Variants in SUCO observed in about 807,000 individuals in gnomAD.
SUCO encodes the protein SUN domain containing ossification factor.
Under a neutral mutation model 148.1 loss-of-function variants are expected in SUCO, and 57 were observed. The ratio of observed to expected loss-of-function variants is 0.38; its 90% confidence interval spans 0.31 to 0.48. SUCO has a LOEUF of 0.48. Ranked by LOEUF, SUCO falls within the 20% of genes least tolerant of loss-of-function variation. The pLI is 0.96. For missense variants in SUCO, 1,331 were observed against 1,468.2 expected, an observed-to-expected ratio of 0.91 and a Z score of 1.53; for synonymous variants, 470 against 502.7, an observed-to-expected ratio of 0.93 and a Z score of 0.87.
At chr1:172,597,099 A>G (rs1317397314) in intron 19 of SUCO, among the ~76,000 whole-genome samples, 5 of 152,202 alleles carry the variant, frequency 3.3e-5, no homozygotes, top group Non-Finnish European at 7.3e-5. Context: ...TGCACGGGAT[A>G]TAATCTCCTG....
Position 172,557,426 on chromosome 1 carries a change from G to A in SUCO, c.581+9G>A, listed in dbSNP as rs1653831658. 6.2e-7 allele frequency: 1 copy of A among 1,613,660 alleles called. No individual in the cohort carries two copies. The highest frequency in any genetic ancestry group is 8.5e-7 in the Non-Finnish European group (1 of 1,179,746). On this transcript the variant is annotated intron_variant, in intron 5 of 23. Coordinates refer to ENST00000263688, the MANE Select transcript of SUCO (RefSeq NM_014283.5). The stretch of plus-strand genomic sequence containing the variant: ...GTCAGTCCACCTGACAGGTGGGTAG[G>A]AGCAGTTGTTTGTCCTTCTTATGAT...
chr1:172,542,721 T>C, intron 1 of SUCO: 1 of 985,316 alleles, frequency 1.0e-6, no homozygotes, highest in Non-Finnish European at 1.2e-6. Context: ...GGGACCGCTG[T>C]CATAGAGGGA....
In SUCO at chr1:172,555,985, C is replaced by T. The variant is rs1332328956; in HGVS notation, c.405C>T (p.Ser135=). The change falls in exon 4 of 24, where the codon AGC becomes AGT. Residue 135 remains serine, a synonymous_variant. Transcript: ENST00000263688. ...GTGAAACTGTTGAAAATATTTCCAG[C>T]TCATCTACCTCAGAAATCACTCCAA... ...VDSETVENIS[S]SSTSEITPIS... is the part of the protein sequence containing the mutation. 7 of 1,613,002 alleles carry T rather than the reference C, an allele frequency of 4.3e-6. No homozygotes were observed. Among genetic ancestry groups the T allele is most frequent in the Non-Finnish European group, 5.9e-6 (7 of 1,179,574 alleles).
At chr1:172,590,080 T>C (rs1411468108) in intron 18 of SUCO, among the ~76,000 whole-genome samples, 154 bp downstream of exon 18, 1 of 152,178 alleles carries the variant, frequency 6.6e-6, no homozygotes, top group East Asian at 1.9e-4. Context: ...GCTACTTGAA[T>C]GCTGATCAGT....
rs1403428587 is a variant in SUCO at position 172,556,675 on chromosome 1, T to G, written c.444-605T>G. On this transcript the variant is annotated intron_variant, in intron 4 of 23. Coordinates refer to ENST00000263688, the MANE Select transcript of SUCO (RefSeq NM_014283.5). ...TGGGTTGAAGGAGTTGCACAAGATA[T>G]TATGGTTACCATTTAGAAGCTTGTC... 7.1e-6 allele frequency: 7 copies of G among 984,886 alleles called. No individual in the cohort carries two copies. In the African/African-American group the frequency reaches 1.0e-4, roughly 15 times the overall value. 61.0% of individuals were successfully genotyped at this position (984,886 alleles called of 1,614,324 possible).
At chr1:172,545,539 A>C (rs1037458497) in intron 1 of SUCO, among the ~76,000 whole-genome samples, 11 of 152,188 alleles carry the variant, frequency 7.2e-5, no homozygotes, top group African/African-American at 2.7e-4. Flanking sequence ...GAGATGGTTT[A>C]AGTTAAAACA....
At chr1:172,574,079 C>T (rs1571237557) in intron 10 of SUCO, 81 bp downstream of exon 10, 1 of 751,702 alleles carries the variant, frequency 1.3e-6, no homozygotes, top group Admixed American at 2.8e-5. Context: ...AAGTGGGTCA[C>T]ATTTTGACTT....
At chr1:172,593,341 T>C (rs558710958) in intron 19 of SUCO, among the ~76,000 whole-genome samples, 59 of 152,290 alleles carry the variant, frequency 3.9e-4, no homozygotes, top group South Asian at 3.5e-3. Flanking sequence ...GAGGGCATCC[T>C]TGTCTTGTGC....
Position 172,533,188 on chromosome 1 carries a change from C to T in SUCO, c.-248C>T. Reference sequence around the variant, plus strand: ...GGCGGCTGCAGGAGGCGGGCGTGGACGAGCCGGTGGCTGCAGCGGCGGCGG... The same window carrying T: ...GGCGGCTGCAGGAGGCGGGCGTGGATGAGCCGGTGGCTGCAGCGGCGGCGG... On this transcript the variant is annotated 5_prime_UTR_variant, in exon 1 of 24. In the 5' UTR this introduces an upstream ATG that the reference lacks. Coordinates refer to ENST00000263688, the MANE Select transcript of SUCO (RefSeq NM_014283.5). 1.3e-6 allele frequency: 2 copies of T among 1,496,374 alleles called. No homozygotes were observed. The highest frequency in any genetic ancestry group is 2.5e-5 in the East Asian group (1 of 39,944). 92.7% of individuals were successfully genotyped at this position (1,496,374 alleles called of 1,614,324 possible).
chr1:172,533,566 C>T (rs1651784200), intron 1 of SUCO, 69 bp downstream of exon 1: 2 of 1,446,630 alleles, frequency 1.4e-6, no homozygotes, highest in South Asian at 1.5e-5. Context: ...CCAGGTCACA[C>T]CCCCTGGTCA....
At chr1:172,532,762 A>G, upstream of SUCO, 1 of 1,613,602 alleles carries the variant, frequency 6.2e-7, no homozygotes, top group Non-Finnish European at 8.5e-7. Flanking sequence ...CAACTCCCAA[A>G]GGCCCTTGCG....
intron 19 of SUCO, among the ~76,000 whole-genome samples, chr1:172,594,408 T>G (rs1471166034): frequency 2.0e-5 from 3 of 152,236 alleles, no homozygotes; most frequent in Non-Finnish European, 4.4e-5. Context: ...CTTTTTCTTG[T>G]GGGCATTTAG....
In SUCO at chr1:172,590,988, C is replaced by A; in HGVS notation, c.2830C>A (p.Arg944=). The change falls in exon 19 of 24, where the codon CGA becomes AGA. Residue 944 remains arginine (R), a synonymous_variant. Transcript: ENST00000263688. ...AGACCAATTCTTACTTCATAGGTAC[C>A]GAAAACAAATGGAAGAAATGCAAAA... The part of the protein sequence containing the change: ...RYLEELSQRY[R]KQMEEMQKAF... The A allele has an allele frequency of 1.9e-6, 3 of 1,608,564 alleles. No individual in the cohort carries two copies. The highest frequency in any genetic ancestry group is 1.7e-5 in the Admixed American group (1 of 59,620).
At chr1:172,558,216 C>T (rs1653886532) in intron 6 of SUCO, among the ~76,000 whole-genome samples, 1 of 152,046 alleles carries the variant, frequency 6.6e-6, no homozygotes, top group Admixed American at 6.5e-5. Context: ...GAACATTTTA[C>T]CTTTCATTAT....
chr1:172,556,774 C>T (rs1324099006), intron 4 of SUCO: 6 of 968,248 alleles, frequency 6.2e-6, no homozygotes, highest in African/African-American at 1.8e-5. Context: ...TTAAATGATT[C>T]AGAAGGAATT....
intron 22 of SUCO, among the ~76,000 whole-genome samples, chr1:172,605,380 A>G (rs1657803748): frequency 6.6e-6 from 1 of 151,834 alleles, no homozygotes; most frequent in Non-Finnish European, 1.5e-5. Flanking sequence ...TGGAATGTGA[A>G]TATTCAGTTT....
intron 1 of SUCO, 142 bp downstream of exon 1, chr1:172,533,639 G>C: frequency 9.1e-7 from 1 of 1,095,634 alleles, no homozygotes; most frequent in South Asian, 1.7e-5. Flanking sequence ...ATTACTTCTC[G>C]ACTCTCCATC....
intron 20 of SUCO, among the ~76,000 whole-genome samples, chr1:172,600,702 GT>G (rs1558213673): frequency 3.6e-5 from 1 of 28,078 alleles, no homozygotes; most frequent in Non-Finnish European, 7.8e-5. Flanking sequence ...TTAAATGTGT[GT>G]GTGTGTGTGT....
At chr1:172,602,660 C>G (rs369381478) in intron 21 of SUCO, 36 bp from the exon 22 acceptor site, 3 of 1,604,400 alleles carry the variant, frequency 1.9e-6, no homozygotes, top group Non-Finnish European at 2.5e-6. Context: ...GTGCTTTACT[C>G]GTTGTAACCA....
Sources: gnomAD v4.1 joint callset for allele counts (sites outside exome capture counted in the v4.1 genomes callset) on GRCh38, gnomAD v4.1.1 for gene constraint, MANE v1.5 for transcripts, NCBI Gene and HGNC (gene_info 2026-07-23, HGNC 2026-07-21) for gene names.